The following ARID5B variants were observed in gnomAD, a reference collection of about 807,000 sequenced individuals.
ARID5B encodes the protein AT-rich interaction domain 5B.
In ARID5B, 13 loss-of-function variants were observed where a neutral mutation model predicts 97.2. The observed-to-expected ratio is 0.13, with a 90% CI of 0.09 to 0.21. The LOEUF (loss-of-function observed/expected upper bound fraction) is 0.21, where lower values mean the gene tolerates loss of function less well. Among genes scored for constraint, ARID5B ranks in the 10% least tolerant of loss-of-function variants. The pLI is 1.00. For missense variants in ARID5B, 1,210 were observed against 1,465.3 expected (o/e 0.83, Z 2.84); for synonymous variants, 556 against 570.3 (o/e 0.97, Z 0.36).
intron 8 of ARID5B, among the ~76,000 whole-genome samples, chr10:62,070,466 T>C (rs1840049076): frequency 6.6e-6 from 1 of 152,230 alleles, no homozygotes. Flanking sequence ...GCATTATCCC[T>C]CTATGCTTCA....
intron 2 of ARID5B, among the ~76,000 whole-genome samples, chr10:61,932,219 A>T (rs1397372065): frequency 6.6e-6 from 1 of 152,194 alleles, no homozygotes; most frequent in Non-Finnish European, 1.5e-5. Flanking sequence ...CTAAAAAAAA[A>T]GTACATACCA....
intron 3 of ARID5B, among the ~76,000 whole-genome samples, chr10:61,949,761 A>C (rs1172243407): frequency 6.6e-6 from 1 of 152,248 alleles, no homozygotes; most frequent in African/African-American, 2.4e-5. Context: ...AGAGATTGCC[A>C]TCTGATGAGA....
chr10:62,086,301 A>G (rs1215328068), intron 9 of ARID5B, among the ~76,000 whole-genome samples: 3 of 152,052 alleles, frequency 2.0e-5, no homozygotes, highest in Non-Finnish European at 4.4e-5. Context: ...TTTAAAACAT[A>G]TTTTGGGGCT....
At chr10:62,018,476 G>A (rs1017008401) in intron 4 of ARID5B, among the ~76,000 whole-genome samples, 2 of 152,000 alleles carry the variant, frequency 1.3e-5, no homozygotes, top group African/African-American at 4.8e-5. Flanking sequence ...CTTTGTAGTT[G>A]TAATACCAAT....
intron 3 of ARID5B, among the ~76,000 whole-genome samples, chr10:61,983,716 C>T (rs1838807716): frequency 6.6e-6 from 1 of 151,450 alleles, no homozygotes; most frequent in Admixed American, 6.6e-5. Context: ...GAAGCACTTG[C>T]CCCATGGAAG....
intron 3 of ARID5B, among the ~76,000 whole-genome samples, chr10:61,967,575 A>G (rs112321149): frequency 0.012 from 1,885 of 152,294 alleles, 19 homozygotes; most frequent in Non-Finnish European, 0.019. Context: ...TTGCATCCAT[A>G]TGCTTTGTTG....
At chr10:61,968,740 T>C (rs1838582491) in intron 3 of ARID5B, among the ~76,000 whole-genome samples, 3 of 152,298 alleles carry the variant, frequency 2.0e-5, no homozygotes, top group Non-Finnish European at 4.4e-5. Context: ...ATACAGTGTG[T>C]TTTAGGAATC....
chr10:61,936,750 C>A (rs1378888709), intron 2 of ARID5B, among the ~76,000 whole-genome samples: 1 of 150,142 alleles, frequency 6.7e-6, no homozygotes, highest in African/African-American at 2.5e-5. Flanking sequence ...TTCTGACATG[C>A]TACTTCATTT....
chr10:61,964,048 A>G (rs1838510693), intron 3 of ARID5B, among the ~76,000 whole-genome samples: 1 of 152,136 alleles, frequency 6.6e-6, no homozygotes, highest in Non-Finnish European at 1.5e-5. Flanking sequence ...CTGGGGTCAA[A>G]TATAGAGATC....
In ARID5B at chr10:61,983,867, C is replaced by CTTTTTT. The variant is rs1164342402; in HGVS notation, c.503-16198_503-16193dup. Among the ~76,000 whole-genome samples the CTTTTTT allele has an allele frequency of 1.7e-3, 47 of 27,590 alleles. 19 individuals carry two copies. The highest frequency in any genetic ancestry group is 2.7e-3 in the African/African-American group (17 of 6,322). 18.1% of individuals were successfully genotyped at this position (27,590 alleles called of 152,430 possible). A position where few individuals can be genotyped will look rare whatever the true frequency, so the allele number is the denominator to read the frequency against. ...TATATTTTTTAAACCCCCTTTTGTTCTTTTTTTTTTTTTTTTTTTTTTTTT... is the reference window on the plus strand; with the variant it reads ...TATATTTTTTAAACCCCCTTTTGTTCTTTTTTTTTTTTTTTTTTTTTTTTTTTTTTT... On this transcript the variant is annotated intron_variant, in intron 3 of 9. Coordinates refer to ENST00000279873, the MANE Select transcript of ARID5B (RefSeq NM_032199.3).
intron 2 of ARID5B, among the ~76,000 whole-genome samples, chr10:61,927,950 A>G (rs191700598): frequency 2.6e-5 from 4 of 152,312 alleles, no homozygotes; most frequent in Admixed American, 2.6e-4. Flanking sequence ...TGCGGGCTCC[A>G]TTAACAGAGG....
Position 61,908,799 on chromosome 10 carries a change from C to CAAA in ARID5B, c.276+6407_276+6409dup, listed in dbSNP as rs369792859. On this transcript the variant is annotated intron_variant, in intron 2 of 9. Coordinates refer to ENST00000279873, the MANE Select transcript of ARID5B (RefSeq NM_032199.3). ...TGGGCAACAGAGCAAGACTCCATCT[C>CAAA]AAAAAAAAAAAAAAAAAAAAAAAGA... is the stretch of plus-strand genomic sequence containing the variant. Among the ~76,000 whole-genome samples the CAAA allele has an allele frequency of 4.4e-3, 222 of 50,452 alleles. 1 individual carries two copies. Among genetic ancestry groups the CAAA allele is most frequent in the African/African-American group, 7.1e-3 (87 of 12,220 alleles). The allele number at this position is 50,452 out of a possible 152,430, so 33.1% of individuals were successfully genotyped here.
intron 4 of ARID5B, among the ~76,000 whole-genome samples, chr10:62,002,074 A>G (rs1839086719): frequency 6.6e-6 from 1 of 152,222 alleles, no homozygotes; most frequent in African/African-American, 2.4e-5. Context: ...TAAAACTGAA[A>G]GCATGTGTTC....
intron 9 of ARID5B, among the ~76,000 whole-genome samples, chr10:62,086,198 G>T (rs1191909786): frequency 6.6e-6 from 1 of 152,134 alleles, no homozygotes; most frequent in Non-Finnish European, 1.5e-5. Flanking sequence ...AAGAGAAAAG[G>T]GTCCAGAGCC....
intron 3 of ARID5B, among the ~76,000 whole-genome samples, chr10:61,971,262 G>A (rs1168252391): frequency 6.6e-6 from 1 of 152,148 alleles, no homozygotes; most frequent in African/African-American, 2.4e-5. Context: ...TAGTAATTCT[G>A]GATTTAGAGT....
chr10:61,987,291 G>A (rs1372899396), intron 3 of ARID5B, among the ~76,000 whole-genome samples: 1 of 152,172 alleles, frequency 6.6e-6, no homozygotes, highest in East Asian at 1.9e-4. Flanking sequence ...AGAACAGAGG[G>A]ACAGTGAATA....
At chr10:62,076,396 G>A (rs1298760575) in intron 8 of ARID5B, among the ~76,000 whole-genome samples, 1 of 151,824 alleles carries the variant, frequency 6.6e-6, no homozygotes, top group East Asian at 1.9e-4. Context: ...ACAACAATTA[G>A]CTGGGGCTGG....
intron 2 of ARID5B, among the ~76,000 whole-genome samples, chr10:61,927,023 C>A (rs989723406): frequency 6.6e-6 from 1 of 152,158 alleles, no homozygotes; most frequent in Non-Finnish European, 1.5e-5. Flanking sequence ...TAATAATTGT[C>A]TTCTGGTCCA....
intron 5 of ARID5B, among the ~76,000 whole-genome samples, chr10:62,053,526 A>G (rs928658212): frequency 6.6e-6 from 1 of 152,220 alleles, no homozygotes; most frequent in African/African-American, 2.4e-5. Context: ...TGAAGATCTC[A>G]TGACTGTGTT....
Sources: gnomAD v4.1 joint callset for allele counts (sites outside exome capture counted in the v4.1 genomes callset) on GRCh38, gnomAD v4.1.1 for gene constraint, MANE v1.5 for transcripts, NCBI Gene and HGNC (gene_info 2026-07-23, HGNC 2026-07-21) for gene names.